The following GRM8 variants were observed in gnomAD, a reference collection of about 807,000 sequenced individuals.
GRM8 encodes metabotropic glutamate receptor 8.
In GRM8, 47 loss-of-function variants were observed where a neutral mutation model predicts 87.2. The ratio of observed to expected loss-of-function variants is 0.54; its 90% confidence interval spans 0.43 to 0.69. The LOEUF (loss-of-function observed/expected upper bound fraction) is 0.69, where lower values mean the gene tolerates loss of function less well. Among genes scored for constraint, GRM8 ranks in the 30% least tolerant of loss-of-function variants. GRM8 has a pLI of 0.00. For missense variants in GRM8, 1,019 were observed against 1,139.2 expected (o/e 0.89, Z 1.52); for synonymous variants, 396 against 404.5 (o/e 0.98, Z 0.25).
intron 3 of GRM8, among the ~76,000 whole-genome samples, chr7:127,035,721 T>C (rs1056678764): frequency 6.6e-6 from 1 of 152,208 alleles, no homozygotes; most frequent in African/African-American, 2.4e-5. Context: ...ATCTGTGATG[T>C]TTCTTAATCC....
chr7:126,812,173 C>A (rs557018760), intron 6 of GRM8, among the ~76,000 whole-genome samples: 1 of 152,012 alleles, frequency 6.6e-6, no homozygotes, highest in Middle Eastern at 3.4e-3. Context: ...ATAAAAAATA[C>A]AGTAAACAAC....
At chr7:127,231,889 T>C (rs949561728) in intron 2 of GRM8, among the ~76,000 whole-genome samples, 1 of 151,084 alleles carries the variant, frequency 6.6e-6, no homozygotes, top group Non-Finnish European at 1.5e-5. Flanking sequence ...TTTTAAACAA[T>C]TGAATCCTAA....
chr7:126,489,693 G>A (rs149767581), intron 9 of GRM8, among the ~76,000 whole-genome samples: 156 of 152,040 alleles, frequency 1.0e-3, no homozygotes, highest in Non-Finnish European at 1.4e-3. Flanking sequence ...AAAGTTATGT[G>A]TCATAATTAC....
intron 6 of GRM8, among the ~76,000 whole-genome samples, chr7:126,820,913 C>A (rs1055501661): frequency 2.6e-5 from 4 of 152,172 alleles, no homozygotes; most frequent in Non-Finnish European, 5.9e-5. Flanking sequence ...GCAGCCTGGG[C>A]AAAATGGCGA....
intron 6 of GRM8, among the ~76,000 whole-genome samples, chr7:126,820,129 T>G (rs1184700064): frequency 6.6e-6 from 1 of 152,208 alleles, no homozygotes; most frequent in East Asian, 1.9e-4. Flanking sequence ...TTGAACAGTG[T>G]GGTTCTATCA....
chr7:127,242,613 A>G (rs1563604090), intron 2 of GRM8, 82 bp downstream of exon 2: 2 of 1,346,186 alleles, frequency 1.5e-6, no homozygotes, highest in East Asian at 4.6e-5. Flanking sequence ...CACCATCTTC[A>G]CTTTCTTCTT....
chr7:127,192,894 C>T (rs1563569922), intron 2 of GRM8, among the ~76,000 whole-genome samples: 1 of 152,184 alleles, frequency 6.6e-6, no homozygotes, highest in Non-Finnish European at 1.5e-5. Context: ...TTATCCCCTT[C>T]CCCTAAAGGT....
intron 6 of GRM8, among the ~76,000 whole-genome samples, chr7:126,785,736 G>C (rs1820556423): frequency 6.6e-6 from 1 of 152,038 alleles, no homozygotes. Context: ...CCACAACGTG[G>C]AGATAGCAGA....
chr7:127,011,274 A>C (rs1020779998), intron 3 of GRM8, among the ~76,000 whole-genome samples: 4 of 152,152 alleles, frequency 2.6e-5, no homozygotes, highest in Non-Finnish European at 5.9e-5. Flanking sequence ...CCCCAGAAAA[A>C]GTAGTCAACA....
intron 2 of GRM8, among the ~76,000 whole-genome samples, chr7:127,240,254 A>G (rs1469051796): frequency 4.6e-5 from 7 of 152,068 alleles, no homozygotes; most frequent in Admixed American, 4.6e-4. Flanking sequence ...CTGCATAAAA[A>G]CAAAACACCC....
intron 7 of GRM8, among the ~76,000 whole-genome samples, chr7:126,678,557 TA>T (rs984859976): frequency 6.6e-6 from 1 of 152,178 alleles, no homozygotes; most frequent in Non-Finnish European, 1.5e-5. Flanking sequence ...TATCCAAACT[TA>T]AAGCACTTTT....
Position 127,167,605 on chromosome 7 carries a change from G to A in GRM8, c.511-60893C>T, listed in dbSNP as rs762086131. ...TCATTATTATTATATCCTTTATCGGGATCTGTGATCAGTGACTTTTGATGG... is the reference window on the plus strand; with the variant it reads ...TCATTATTATTATATCCTTTATCGGAATCTGTGATCAGTGACTTTTGATGG... On this transcript the variant is annotated intron_variant, in intron 2 of 10. Coordinates refer to ENST00000339582, the MANE Select transcript of GRM8 (RefSeq NM_000845.3). 5.6e-4 allele frequency among the ~76,000 whole-genome samples: 85 copies of A among 151,920 alleles called. 2 individuals are homozygous for A. Among genetic ancestry groups the A allele is most frequent in the African/African-American group, 2.0e-3 (81 of 41,428 alleles).
At chr7:126,671,028 C>T (rs7805959) in intron 7 of GRM8, among the ~76,000 whole-genome samples, 27,967 of 152,064 alleles carry the variant, frequency 0.18, 2,677 homozygotes, top group African/African-American at 0.2. Context: ...AATTAGAGAA[C>T]GTAGTTATTT....
intron 8 of GRM8, among the ~76,000 whole-genome samples, chr7:126,559,443 G>T (rs1793473310): frequency 2.0e-5 from 3 of 152,068 alleles, no homozygotes; most frequent in African/African-American, 7.2e-5. Context: ...AAAGTGCTGG[G>T]ATTACAGGCA....
rs1029206876 is a variant in GRM8 at position 127,117,705 on chromosome 7, C to T, written c.511-10993G>A. ...AAGTTACTTAAAAATTTAACTCTCCCACCCACTCATTCCCATCACTGCTGA... is the reference window on the plus strand; with the variant it reads ...AAGTTACTTAAAAATTTAACTCTCCTACCCACTCATTCCCATCACTGCTGA... On this transcript the variant is annotated intron_variant, in intron 2 of 10. Transcript: ENST00000339582. Among the ~76,000 whole-genome samples, 4 of 152,170 alleles carry T rather than the reference C, an allele frequency of 2.6e-5. 1 individual carries two copies. Among genetic ancestry groups the T allele is most frequent in the African/African-American group, 9.7e-5 (4 of 41,424 alleles).
At chr7:127,029,191 G>A (rs1337583225) in intron 3 of GRM8, among the ~76,000 whole-genome samples, 1 of 152,164 alleles carries the variant, frequency 6.6e-6, no homozygotes, top group Non-Finnish European at 1.5e-5. Context: ...TTGAACTGCG[G>A]TCGGACAGAC....
intron 7 of GRM8, among the ~76,000 whole-genome samples, chr7:126,731,588 C>T (rs1030530618): frequency 5.9e-5 from 9 of 152,000 alleles, no homozygotes; most frequent in East Asian, 1.9e-4. Flanking sequence ...ACTATTTCTA[C>T]GCATCCCAAA....
intron 8 of GRM8, among the ~76,000 whole-genome samples, chr7:126,547,907 A>C (rs75925091): frequency 4.0e-5 from 6 of 151,230 alleles, no homozygotes; most frequent in African/African-American, 7.3e-5. Flanking sequence ...GAAAAAAAAA[A>C]CCTAGTTGAT....
At chr7:127,247,224 C>T (rs1372653582) in intron 1 of GRM8, among the ~76,000 whole-genome samples, 1 of 152,148 alleles carries the variant, frequency 6.6e-6, no homozygotes, top group Non-Finnish European at 1.5e-5. Flanking sequence ...AATGAGGTCT[C>T]CTGGCCAGGT....
Sources: gnomAD v4.1 joint callset for allele counts (sites outside exome capture counted in the v4.1 genomes callset) on GRCh38, gnomAD v4.1.1 for gene constraint, MANE v1.5 for transcripts, NCBI Gene and HGNC (gene_info 2026-07-23, HGNC 2026-07-21) for gene names.